Variants in GMDS observed in about 807,000 individuals in gnomAD.
GMDS encodes GDP-mannose 4,6-dehydratase, also known as GDP-mannose 4,6 dehydratase.
GMDS carries 20 observed loss-of-function variants against 49.9 expected under a neutral mutation model. That is an observed-to-expected ratio of 0.40 (90% CI 0.28 to 0.58). The LOEUF (loss-of-function observed/expected upper bound fraction) is 0.58, where lower values mean the gene tolerates loss of function less well. Among genes scored for constraint, GMDS ranks in the 20% least tolerant of loss-of-function variants. The probability of loss-of-function intolerance (pLI) is 0.42; values close to 1 mark genes in which losing one functional copy is unlikely to be tolerated. For synonymous variants in GMDS, 177 were observed against 178.6 expected (o/e 0.99, Z 0.07); for missense variants, 362 against 481.4 (o/e 0.75, Z 2.32).
At chr6:2,131,639 C>T (rs573222863) in intron 1 of GMDS, among the ~76,000 whole-genome samples, 6 of 152,260 alleles carry the variant, frequency 3.9e-5, no homozygotes, top group African/African-American at 1.4e-4. Flanking sequence ...GACAGACCCC[C>T]ACTGTAAGTT....
At chr6:2,009,201 C>G (rs1767391360) in intron 4 of GMDS, among the ~76,000 whole-genome samples, 1 of 152,170 alleles carries the variant, frequency 6.6e-6, no homozygotes, top group South Asian at 2.1e-4. Context: ...TTCACACATC[C>G]TGATGCCTCT....
At chr6:1,730,627 C>T (rs9392330) in intron 8 of GMDS, among the ~76,000 whole-genome samples, 125,581 of 151,672 alleles carry the variant, frequency 0.83, 52,505 homozygotes, top group East Asian at 1. Context: ...CTTGTATGCA[C>T]GATGAATACT....
At chr6:1,666,713 G>A (rs143386919) in intron 9 of GMDS, among the ~76,000 whole-genome samples, 4 of 152,330 alleles carry the variant, frequency 2.6e-5, no homozygotes, top group Admixed American at 6.5e-5. Context: ...GAGGTGTTGC[G>A]TAGTAGGCTT....
intron 7 of GMDS, among the ~76,000 whole-genome samples, chr6:1,817,790 A>G (rs1203070660): frequency 6.6e-6 from 1 of 152,158 alleles, no homozygotes; most frequent in Non-Finnish European, 1.5e-5. Flanking sequence ...TCAATACTTC[A>G]AGGGTCTGCA....
chr6:1,805,794 T>C (rs1177800656), intron 7 of GMDS, among the ~76,000 whole-genome samples: 1 of 152,220 alleles, frequency 6.6e-6, no homozygotes, highest in Admixed American at 6.5e-5. Context: ...TTGATAGATA[T>C]AACCCACATA....
At chr6:2,133,220 C>G (rs1775834147) in intron 1 of GMDS, among the ~76,000 whole-genome samples, 1 of 152,064 alleles carries the variant, frequency 6.6e-6, no homozygotes, top group African/African-American at 2.4e-5. Flanking sequence ...AAAAAAACTG[C>G]AGTAAAAAGA....
chr6:2,202,288 G>A (rs1189219101), intron 1 of GMDS, among the ~76,000 whole-genome samples: 24 of 150,896 alleles, frequency 1.6e-4, no homozygotes, highest in Admixed American at 1.5e-3. Flanking sequence ...TAGGCAGTGA[G>A]GGCAGCATGT....
chr6:2,213,744 T>C (rs576216626), intron 1 of GMDS, among the ~76,000 whole-genome samples: 1 of 152,108 alleles, frequency 6.6e-6, no homozygotes, highest in South Asian at 2.1e-4. Flanking sequence ...GTGGGGTCTA[T>C]GAGAATAGGA....
intron 7 of GMDS, among the ~76,000 whole-genome samples, chr6:1,926,186 C>A (rs1411443197): frequency 6.6e-6 from 1 of 152,174 alleles, no homozygotes; most frequent in Non-Finnish European, 1.5e-5. Flanking sequence ...TTCCAGTATA[C>A]CAAAGCAAGA....
chr6:1,810,066 T>C (rs112466927), intron 7 of GMDS, among the ~76,000 whole-genome samples: 1,597 of 152,268 alleles, frequency 0.01, 26 homozygotes, highest in African/African-American at 0.037. Context: ...TGCTATGTGG[T>C]AGCCCCTGAG....
intron 4 of GMDS, among the ~76,000 whole-genome samples, chr6:1,973,387 T>C (rs1010566140): frequency 6.6e-6 from 1 of 152,174 alleles, no homozygotes; most frequent in African/African-American, 2.4e-5. Flanking sequence ...ATCCCCAAGC[T>C]CTGTTGGCAG....
At chr6:1,717,653 TA>T (rs1435316170) in intron 9 of GMDS, 1 of 152,116 alleles carries the variant, frequency 6.6e-6, no homozygotes, top group African/African-American at 2.4e-5. Flanking sequence ...TCTATAGGTA[TA>T]AAACAAAATA....
chr6:2,065,171 C>T (rs929027133), intron 4 of GMDS, among the ~76,000 whole-genome samples: 3 of 152,128 alleles, frequency 2.0e-5, no homozygotes, highest in African/African-American at 4.8e-5. Flanking sequence ...AGACTGACAC[C>T]TCACACAGCC....
intron 7 of GMDS, among the ~76,000 whole-genome samples, chr6:1,879,409 G>C (rs1759254965): frequency 6.6e-6 from 1 of 152,124 alleles, no homozygotes; most frequent in African/African-American, 2.4e-5. Flanking sequence ...AAGCTTGCTG[G>C]GTGAGTAAAC....
At chr6:1,738,344 AT>A (rs1234477454) in intron 8 of GMDS, among the ~76,000 whole-genome samples, 3 of 152,218 alleles carry the variant, frequency 2.0e-5, no homozygotes, top group Admixed American at 2.0e-4. Flanking sequence ...TTCCCCGAAT[AT>A]CTTCTACTAA....
intron 4 of GMDS, among the ~76,000 whole-genome samples, chr6:2,080,004 T>C (rs1772584095): frequency 6.6e-6 from 1 of 152,182 alleles, no homozygotes; most frequent in African/African-American, 2.4e-5. Context: ...TCTTTTTTAT[T>C]CTTTTAACAT....
intron 7 of GMDS, among the ~76,000 whole-genome samples, chr6:1,800,396 G>A (rs773634302): frequency 6.6e-5 from 10 of 152,128 alleles, no homozygotes; most frequent in Admixed American, 1.3e-4. Flanking sequence ...ATCTATAAAA[G>A]GCCAGCAGAA....
chr6:1,787,206 T>C (rs1769360945), intron 7 of GMDS, among the ~76,000 whole-genome samples: 1 of 152,092 alleles, frequency 6.6e-6, no homozygotes. Flanking sequence ...GCAATAAAAA[T>C]AATAATAAAA....
At chr6:1,790,310 A>G (rs1200891589) in intron 7 of GMDS, among the ~76,000 whole-genome samples, 4 of 152,196 alleles carry the variant, frequency 2.6e-5, no homozygotes, top group Admixed American at 2.6e-4. Context: ...ACAATTACTG[A>G]ATGCCTCCAA....
Sources: allele counts gnomAD v4.1 joint callset (sites outside exome capture counted in the v4.1 genomes callset), GRCh38; gene constraint gnomAD v4.1.1; transcripts MANE v1.5; gene names NCBI Gene and HGNC (gene_info 2026-07-23, HGNC 2026-07-21).